The following MZF1 variants were observed in gnomAD, a reference collection of about 807,000 sequenced individuals.
The protein encoded by MZF1 is zinc finger and SCAN domain-containing protein 6.
Under a neutral mutation model 28.6 loss-of-function variants are expected in MZF1, and 24 were observed. The observed-to-expected ratio is 0.84, with a 90% CI of 0.61 to 1.18. The LOEUF (loss-of-function observed/expected upper bound fraction) is 1.18, where lower values mean the gene tolerates loss of function less well. MZF1 is among the 50% of genes most tolerant of loss of function. The pLI is 0.00. For synonymous variants in MZF1, 516 were observed against 432.5 expected, an observed-to-expected ratio of 1.19 and a Z score of -2.40; for missense variants, 1,166 against 1,026.4, an observed-to-expected ratio of 1.14 and a Z score of -1.86.
rs576518777 is a variant in MZF1, at chr19:58,562,782, C to A, written c.1495G>T (p.Val499Leu). 6.5e-7 allele frequency: 1 copy of A among 1,534,332 alleles called. No homozygotes were observed. Among genetic ancestry groups the A allele is most frequent in the Non-Finnish European group, 8.7e-7 (1 of 1,146,348 alleles). The change falls in exon 6 of 6, where the codon GTG becomes TTG. Residue 499 changes from valine to leucine, a missense_variant. Transcript: ENST00000215057. ...ECRESFARRA[V>L]LLEHQAVHTG... Reference sequence around the variant, plus strand: ...TGTACCGCCTGGTGCTCCAGCAGCACGGCGCGCCGCGCGAAGCTCTCGCGG... The same window carrying A: ...TGTACCGCCTGGTGCTCCAGCAGCAAGGCGCGCCGCGCGAAGCTCTCGCGG...
Position 58,570,476 on chromosome 19 carries a change from AG to A in MZF1, c.447del (p.Ser150ProfsTer34). The A allele has an allele frequency of 6.2e-7, 1 of 1,613,818 alleles. No individual in the cohort carries two copies. Among genetic ancestry groups the A allele is most frequent in the Non-Finnish European group, 8.5e-7 (1 of 1,179,836 alleles). ...GTTTCAGGTAGGGGCTGGAAACTGG[AG>A]GGCTCCATCTTCTCTGATAGGACCT... ...GQEVLSEKME[P>X]SSFQPLPETE... On this transcript the variant is annotated frameshift_variant, in exon 3 of 6. Coordinates refer to ENST00000215057, the MANE Select transcript of MZF1 (RefSeq NM_198055.2). LOFTEE classifies it high-confidence loss of function.
intron 5 of MZF1, among the ~76,000 whole-genome samples, chr19:58,565,707 T>C (rs1396035044): frequency 6.6e-6 from 1 of 151,004 alleles, no homozygotes; most frequent in East Asian, 2.0e-4. Context: ...TAATATTTTG[T>C]ATTTTTAGTA....
Position 58,564,877 on chromosome 19 carries a change from G to T in MZF1, c.773-1373C>A, listed in dbSNP as rs75583876. On this transcript the variant is annotated intron_variant, in intron 5 of 5. Transcript: ENST00000215057. The stretch of plus-strand genomic sequence containing the variant: ...CAAAAAATGCCAGATGTGGAACAGG[G>T]TGGAGAATAAGCATCCATGTGTGTG... 7.2e-3 allele frequency among the ~76,000 whole-genome samples: 1,045 copies of T among 144,436 alleles called. 31 individuals carry two copies. Among genetic ancestry groups the T allele is most frequent in the African/African-American group, 0.026 (965 of 37,640 alleles). The allele number at this position is 144,436 out of a possible 152,430, so 94.8% of individuals were successfully genotyped here. A position where few individuals can be genotyped will look rare whatever the true frequency, so the allele number is the denominator to read the frequency against.
At chr19:58,564,394 T>G (rs1225146376) in intron 5 of MZF1, 2 of 152,200 alleles carry the variant, frequency 1.3e-5, no homozygotes, top group East Asian at 3.8e-4. Context: ...AAAAGGCTAA[T>G]TAACCTCCTA....
intron 2 of MZF1, 166 bp from the exon 3 acceptor site, chr19:58,570,693 A>C: frequency 1.3e-6 from 1 of 759,070 alleles, no homozygotes; most frequent in Non-Finnish European, 2.1e-6. Flanking sequence ...TGAGCAAAGA[A>C]TGAAGGGACC....
At chr19:58,564,194 A>G (rs1255202148) in intron 5 of MZF1, 2 of 152,260 alleles carry the variant, frequency 1.3e-5, no homozygotes, top group African/African-American at 2.4e-5. Flanking sequence ...GGTTAAATCA[A>G]GAAGACTGAG....
At chr19:58,572,134 C>T (rs2054176118) in intron 1 of MZF1, among the ~76,000 whole-genome samples, 1 of 152,146 alleles carries the variant, frequency 6.6e-6, no homozygotes, top group Admixed American at 6.5e-5. Flanking sequence ...GCTGGCGTCT[C>T]CCCCTACCCA....
chr19:58,564,846 G>A (rs1273246258), intron 5 of MZF1, among the ~76,000 whole-genome samples: 1 of 141,720 alleles, frequency 7.1e-6, no homozygotes, highest in Admixed American at 7.2e-5. Context: ...TAAGTTGGAA[G>A]ATGCACAAAA....
intron 5 of MZF1, 154 bp from the exon 6 acceptor site, chr19:58,563,658 A>C (rs2053983706): frequency 1.6e-6 from 1 of 611,310 alleles, no homozygotes; most frequent in Non-Finnish European, 2.8e-6. Context: ...TTCTATCTGT[A>C]CAGACTTCCC....
rs754436885 is a variant in MZF1 at position 58,571,438 on chromosome 19, G to C, written c.-40-9C>G. 2 of 1,605,536 alleles carry C rather than the reference G, an allele frequency of 1.2e-6. No homozygotes were observed. The highest frequency in any genetic ancestry group is 1.7e-6 in the Non-Finnish European group (2 of 1,175,510). On this transcript the variant is annotated splice_polypyrimidine_tract_variant and intron_variant, in intron 1 of 5. Transcript: ENST00000215057. ...GAGGCCAGTGTCTGCCCCTGGTGAA[G>C]AAATAGGATGAGGCTGTTGCAAAAG...
rs773183315 is a variant in MZF1, at chr19:58,569,545, C to T, written c.622G>A (p.Val208Ile). The change falls in exon 4 of 6, where the codon GTA (valine) becomes ATA (isoleucine). Residue 208 changes from valine (V) to isoleucine (I), a missense_variant. Physicochemically the swap from Val to Ile is conservative, Grantham distance 29 (BLOSUM62 3). Transcript: ENST00000215057. ...SGPLAATQES[V>I]PTLLPEEAQR... ...GCCTCCTCAGGCAGGAGGGTGGGTA[C>T]AGACTCCTGGGTGGCAGCTAGAGGC... The T allele has an allele frequency of 1.2e-6, 2 of 1,610,082 alleles. No individual in the cohort carries two copies. The highest frequency in any genetic ancestry group is 1.7e-6 in the Non-Finnish European group (2 of 1,177,468).
rs972415067 is a variant in MZF1 at position 58,571,245 on chromosome 19, A to T, written c.145T>A (p.Cys49Ser). The T allele has an allele frequency of 3.1e-6, 5 of 1,612,636 alleles. No individual in the cohort carries two copies. Among genetic ancestry groups the T allele is most frequent in the Middle Eastern group, 1.6e-4 (1 of 6,082 alleles). Residue 49 changes from cysteine (C) to serine (S), a missense_variant, in exon 2 of 6, where the codon TGC becomes AGC. By Grantham distance (112) the Cys-to-Ser change is moderately radical. Transcript: ENST00000215057. Reference protein sequence around the residue: ...GPEAARLRFRCFRYEEATGPQ... With the variant: ...GPEAARLRFRSFRYEEATGPQ... The stretch of plus-strand genomic sequence containing the variant: ...CCTGTGGCCTCCTCATAGCGGAAGC[A>T]CCGGAAACGCAGGCGTGCAGCTTCA...
At chr19:58,569,039 A>C in intron 5 of MZF1, 4 of 443,010 alleles carry the variant, frequency 9.0e-6, no homozygotes, top group East Asian at 4.0e-5. Flanking sequence ...AGGTTTTACT[A>C]GGGTGGGGAG....
In MZF1 at chr19:58,562,406, G is replaced by T; in HGVS notation, c.1871C>A (p.Pro624His). The stretch of plus-strand genomic sequence containing the variant: ...CAGGCCGCACTCACCGCAGTGGTAG[G>T]GCTTTTCGCCGGTGTGTGTCCTCTG... ...RHQRTHTGEK[P>H]YHCGECGLGF... is the part of the protein sequence containing the mutation. Residue 624 changes from proline to histidine, a missense_variant, in exon 6 of 6, where the codon CCC (proline) becomes CAC (histidine). Physicochemically the swap from Pro to His is moderately conservative, Grantham distance 77 (BLOSUM62 -2). Transcript: ENST00000215057. 6.2e-7 allele frequency: 1 copy of T among 1,609,932 alleles called. No homozygotes were observed. The highest frequency in any genetic ancestry group is 2.2e-5 in the East Asian group (1 of 44,732).
At chr19:58,568,021 G>C (rs2054089633) in intron 5 of MZF1, 1 of 152,136 alleles carries the variant, frequency 6.6e-6, no homozygotes, top group Non-Finnish European at 1.5e-5. Context: ...AGCATCACTT[G>C]AAGCCAGGAA....
chr19:58,570,982 A>G lies in MZF1; in HGVS notation c.396+12T>C. ...CTCCAGTCCTGAACCCCACTCGTGG[A>G]CACTCACTCACCCATCTCCGGGGTC... is the stretch of plus-strand genomic sequence containing the variant. On this transcript the variant is annotated intron_variant, in intron 2 of 5. Coordinates refer to ENST00000215057, the MANE Select transcript of MZF1 (RefSeq NM_198055.2). 1 of 1,593,290 alleles carries G rather than the reference A, an allele frequency of 6.3e-7. No individual in the cohort carries two copies. The highest frequency in any genetic ancestry group is 8.6e-7 in the Non-Finnish European group (1 of 1,168,684).
intron 3 of MZF1, 36 bp downstream of exon 3, chr19:58,570,308 C>A (rs1428858325): frequency 4.5e-6 from 7 of 1,560,222 alleles, no homozygotes; most frequent in Non-Finnish European, 6.1e-6. Flanking sequence ...GCCCACCCAA[C>A]CAGACCTTAG....
chr19:58,570,688 AAAGAATG>A, intron 2 of MZF1, 161 bp from the exon 3 acceptor site: 1 of 804,960 alleles, frequency 1.2e-6, no homozygotes, highest in Non-Finnish European at 1.9e-6. Flanking sequence ...GGCCCTGAGC[AAAGAATG>A]AAGGGACCAC....
chr19:58,569,084 T>C (rs1490987344), intron 5 of MZF1, 193 bp downstream of exon 5: 2 of 606,566 alleles, frequency 3.3e-6, no homozygotes, highest in Non-Finnish European at 5.4e-6. Flanking sequence ...GGATCAGTGG[T>C]AGTGGTGGGT....
Sources: gnomAD v4.1 joint callset for allele counts (sites outside exome capture counted in the v4.1 genomes callset) on GRCh38, gnomAD v4.1.1 for gene constraint, MANE v1.5 for transcripts, NCBI Gene and HGNC (gene_info 2026-07-23, HGNC 2026-07-21) for gene names.